The following GPATCH2 variants were observed in gnomAD, a reference collection of about 807,000 sequenced individuals.
The protein encoded by GPATCH2 is G-patch domain containing 2, also known as G patch domain-containing protein 2.
GPATCH2 carries 51 observed loss-of-function variants against 58.0 expected under a neutral mutation model. The observed-to-expected ratio is 0.88, with a 90% confidence interval of 0.70 to 1.11. The LOEUF (loss-of-function observed/expected upper bound fraction) is 1.11, where lower values mean the gene tolerates loss of function less well. GPATCH2 is among the 50% of genes most tolerant of loss of function. GPATCH2 has a pLI of 0.00. For synonymous variants in GPATCH2, 222 were observed against 218.5 expected (o/e 1.02, Z -0.14); for missense variants, 625 against 652.2 (o/e 0.96, Z 0.45).
chr1:217,588,144 C>T (rs992744427), intron 5 of GPATCH2, among the ~76,000 whole-genome samples: 6 of 152,152 alleles, frequency 3.9e-5, no homozygotes, highest in Admixed American at 6.5e-5. Flanking sequence ...CTTCAATTCC[C>T]TCCCTCCCTT....
intron 8 of GPATCH2, among the ~76,000 whole-genome samples, chr1:217,481,529 T>A (rs1002529827): frequency 6.6e-6 from 1 of 152,144 alleles, no homozygotes; most frequent in Non-Finnish European, 1.5e-5. Context: ...TTCTAAACTA[T>A]GTATAAAAAT....
intron 6 of GPATCH2, among the ~76,000 whole-genome samples, chr1:217,514,482 T>C (rs1252913761): frequency 6.6e-6 from 1 of 152,164 alleles, no homozygotes; most frequent in Admixed American, 6.5e-5. Context: ...TTTAGTATTT[T>C]AGAAGGGTTG....
chr1:217,512,987 T>C (rs1238819444), intron 6 of GPATCH2, among the ~76,000 whole-genome samples: 1 of 152,058 alleles, frequency 6.6e-6, no homozygotes, highest in African/African-American at 2.4e-5. Context: ...ATGCGAACTT[T>C]TGTTGAAATA....
chr1:217,446,435 T>A (rs78124023), intron 9 of GPATCH2, among the ~76,000 whole-genome samples: 2 of 152,158 alleles, frequency 1.3e-5, no homozygotes, highest in Admixed American at 6.5e-5. Context: ...AGTGTATTTA[T>A]GCAAAACCAT....
At chr1:217,554,464 C>T (rs773086697) in intron 5 of GPATCH2, among the ~76,000 whole-genome samples, 11 of 151,982 alleles carry the variant, frequency 7.2e-5, no homozygotes, top group African/African-American at 1.7e-4. Flanking sequence ...ATCTATAGTA[C>T]GACAAACACT....
chr1:217,573,344 C>T (rs1558495485), intron 5 of GPATCH2, among the ~76,000 whole-genome samples: 1 of 151,716 alleles, frequency 6.6e-6, no homozygotes, highest in Admixed American at 6.6e-5. Context: ...TAATTGTGCT[C>T]ACTTGGAAAA....
At chr1:217,531,044 A>AACACAC (rs56751109) in intron 5 of GPATCH2, among the ~76,000 whole-genome samples, 82 of 148,278 alleles carry the variant, frequency 5.5e-4, no homozygotes, top group Middle Eastern at 3.5e-3. Context: ...CAGTTACACA[A>AACACAC]ACACACACAC....
intron 1 of GPATCH2, among the ~76,000 whole-genome samples, chr1:217,625,858 C>A (rs1460696601): frequency 6.6e-6 from 1 of 152,094 alleles, no homozygotes; most frequent in Non-Finnish European, 1.5e-5. Flanking sequence ...GTGGTGCACA[C>A]CTGTAATCCC....
intron 8 of GPATCH2, among the ~76,000 whole-genome samples, chr1:217,474,704 A>G (rs1180663865): frequency 6.6e-6 from 1 of 152,188 alleles, no homozygotes; most frequent in Non-Finnish European, 1.5e-5. Context: ...TGAATCATGA[A>G]CAGCGGACCA....
intron 6 of GPATCH2, among the ~76,000 whole-genome samples, chr1:217,504,408 A>G (rs1662451083): frequency 6.6e-6 from 1 of 152,198 alleles, no homozygotes. Flanking sequence ...CGTATATTGC[A>G]GTTGATTCTT....
chr1:217,593,347 T>C lies in GPATCH2; in HGVS notation c.1098+16974A>G, dbSNP rs184811109. On this transcript the variant is annotated intron_variant, in intron 5 of 9. Transcript: ENST00000366935. ...GTTAAAAGGTATAACTGACAATTTATTGGGCGGGAAGATGCATTATTTTCC... is the reference window on the plus strand; with the variant it reads ...GTTAAAAGGTATAACTGACAATTTACTGGGCGGGAAGATGCATTATTTTCC... 8.9e-4 allele frequency among the ~76,000 whole-genome samples: 135 copies of C among 152,096 alleles called. 1 individual carries two copies. Among genetic ancestry groups the C allele is most frequent in the South Asian group, 3.9e-3 (19 of 4,822 alleles).
intron 5 of GPATCH2, among the ~76,000 whole-genome samples, chr1:217,588,044 T>A (rs1264015475): frequency 6.6e-6 from 1 of 152,090 alleles, no homozygotes; most frequent in Non-Finnish European, 1.5e-5. Flanking sequence ...GACAGGTGAC[T>A]AGGAGATAAT....
At chr1:217,483,030 T>C (rs564018693) in intron 8 of GPATCH2, among the ~76,000 whole-genome samples, 8 of 152,360 alleles carry the variant, frequency 5.3e-5, no homozygotes, top group African/African-American at 1.9e-4. Context: ...TTCCTTTTTA[T>C]TGGTGACTGA....
intron 2 of GPATCH2, among the ~76,000 whole-genome samples, chr1:217,617,655 C>T (rs1668958259): frequency 6.6e-6 from 1 of 152,106 alleles, no homozygotes; most frequent in Non-Finnish European, 1.5e-5. Flanking sequence ...TACTTGTTAC[C>T]AAAATACCTT....
intron 8 of GPATCH2, among the ~76,000 whole-genome samples, chr1:217,472,904 T>TC (rs1660793975): frequency 1.3e-5 from 2 of 152,074 alleles, no homozygotes; most frequent in African/African-American, 2.4e-5. Context: ...ATTGTCCTAG[T>TC]CCCCCCTAGA....
At chr1:217,533,516 G>A (rs984457927) in intron 5 of GPATCH2, among the ~76,000 whole-genome samples, 2 of 152,146 alleles carry the variant, frequency 1.3e-5, no homozygotes, top group Non-Finnish European at 2.9e-5. Context: ...ATCACACTTC[G>A]AGAAGCATTG....
At chr1:217,438,166 A>C (rs576638993) in intron 9 of GPATCH2, among the ~76,000 whole-genome samples, 8 of 152,334 alleles carry the variant, frequency 5.3e-5, no homozygotes, top group African/African-American at 1.7e-4. Context: ...AAAACTAACA[A>C]ACAGAAAGGA....
At chr1:217,571,837 G>C (rs1382320338) in intron 5 of GPATCH2, among the ~76,000 whole-genome samples, 1 of 152,004 alleles carries the variant, frequency 6.6e-6, no homozygotes, top group East Asian at 1.9e-4. Context: ...AGAGATGGAG[G>C]TTGCAGTGGG....
intron 5 of GPATCH2, among the ~76,000 whole-genome samples, chr1:217,557,498 A>G (rs1348550850): frequency 6.6e-6 from 1 of 151,756 alleles, no homozygotes; most frequent in Non-Finnish European, 1.5e-5. Context: ...TGTTCTACTT[A>G]AAAATTCTTT....
Sources: gnomAD v4.1 joint callset for allele counts (sites outside exome capture counted in the v4.1 genomes callset) on GRCh38, gnomAD v4.1.1 for gene constraint, MANE v1.5 for transcripts, NCBI Gene and HGNC (gene_info 2026-07-23, HGNC 2026-07-21) for gene names.